The following TBL1X variants were observed in gnomAD, a reference collection of about 807,000 sequenced individuals.
The protein encoded by TBL1X is transducin beta like 1 X-linked.
A neutral mutation model predicts 50.7 loss-of-function variants in TBL1X; 10 were observed. The observed-to-expected ratio is 0.20, with a 90% CI of 0.12 to 0.33. The LOEUF is 0.33. TBL1X is among the 10% of genes least tolerant of loss of function. The pLI, the probability that TBL1X is intolerant of heterozygous loss-of-function variation, is 1.00. For synonymous variants in TBL1X, 190 were observed against 214.7 expected (o/e 0.88, Z 1.01); for missense variants, 340 against 504.4 (o/e 0.67, Z 3.12).
At chrX:9,689,885 G>A (rs5933751) in intron 7 of TBL1X, among the ~76,000 whole-genome samples, 6,070 of 112,312 alleles carry the variant, frequency 0.054, 156 homozygotes, top group Middle Eastern at 0.11. Flanking sequence ...TCCCATTGTT[G>A]TTTGAATCTT....
rs1031679488 is a variant in TBL1X, at chrX:9,694,480, A to G, written c.1053+1061A>G. Among the ~76,000 whole-genome samples the G allele has an allele frequency of 3.6e-5, 4 of 111,358 alleles. No homozygotes were observed. The Admixed American group carries it at 3.8e-4, about 11-fold the overall frequency. On this transcript the variant is annotated intron_variant, in intron 11 of 17. Coordinates refer to ENST00000645353, the MANE Select transcript of TBL1X (RefSeq NM_005647.4). ...CATGGTGTCGGGTGCCTGTAATCCC[A>G]GCTACTTAGAGACTGAGGCGCGAGA...
At chrX:9,698,963 C>T (rs995918477) in intron 12 of TBL1X, among the ~76,000 whole-genome samples, 5 of 111,377 alleles carry the variant, frequency 4.5e-5, no homozygotes, top group East Asian at 2.8e-4. Flanking sequence ...CCTGATTCTT[C>T]GTGGGTCGTT....
intron 13 of TBL1X, among the ~76,000 whole-genome samples, chrX:9,708,084 G>T (rs2083220425): frequency 1.8e-5 from 2 of 112,106 alleles, no homozygotes; most frequent in South Asian, 3.7e-4. Flanking sequence ...GACATATGGG[G>T]CCCTATAGTC....
intron 2 of TBL1X, among the ~76,000 whole-genome samples, chrX:9,628,941 G>A (rs916932768): frequency 2.7e-5 from 3 of 112,476 alleles, no homozygotes; most frequent in Non-Finnish European, 5.6e-5. Context: ...AAAGACTCCT[G>A]GTGGCAGCTG....
intron 2 of TBL1X, among the ~76,000 whole-genome samples, chrX:9,576,391 C>A (rs186500412): frequency 8.9e-6 from 1 of 112,331 alleles, no homozygotes; most frequent in African/African-American, 3.2e-5. Flanking sequence ...CCACACCCAT[C>A]GGGAGAGATT....
At chrX:9,501,536 T>C (rs73631486) in intron 1 of TBL1X, among the ~76,000 whole-genome samples, 4,589 of 110,940 alleles carry the variant, frequency 0.041, 97 homozygotes, top group South Asian at 0.11. Context: ...TCTCCACTGT[T>C]GCAGTTCAGG....
At chrX:9,586,220 ACC>A (rs1450926959) in intron 2 of TBL1X, among the ~76,000 whole-genome samples, 1 of 112,419 alleles carries the variant, frequency 8.9e-6, no homozygotes, top group Non-Finnish European at 1.9e-5. Flanking sequence ...ATTTATATTA[ACC>A]AAGAGGTGGA....
chrX:9,523,741 A>G (rs1355230188), intron 2 of TBL1X, among the ~76,000 whole-genome samples: 2 of 111,514 alleles, frequency 1.8e-5, no homozygotes, highest in African/African-American at 6.5e-5. Context: ...GCCTTACACC[A>G]GTGTTCTTAA....
At chrX:9,662,977 T>C (rs934522348) in intron 5 of TBL1X, among the ~76,000 whole-genome samples, 2 of 111,294 alleles carry the variant, frequency 1.8e-5, no homozygotes, top group Admixed American at 9.6e-5. Context: ...TTTTTAAAAA[T>C]GGTTAGCATG....
At chrX:9,482,819 A>G (rs1478765082) in intron 1 of TBL1X, among the ~76,000 whole-genome samples, 1 of 111,177 alleles carries the variant, frequency 9.0e-6, no homozygotes, top group Non-Finnish European at 1.9e-5. Flanking sequence ...AGTGAAAGAG[A>G]TCTGAGCTAA....
chrX:9,479,089 T>G (rs893483418), intron 1 of TBL1X, among the ~76,000 whole-genome samples: 6 of 113,292 alleles, frequency 5.3e-5, no homozygotes, highest in Non-Finnish European at 1.1e-4. Context: ...GTCAATGGAC[T>G]TCTGTCTTGA....
chrX:9,504,773 A>G (rs2082018081), intron 2 of TBL1X, among the ~76,000 whole-genome samples: 1 of 112,053 alleles, frequency 8.9e-6, no homozygotes, highest in African/African-American at 3.2e-5. Context: ...GAATAGAGAA[A>G]AAAGAATGAA....
intron 2 of TBL1X, among the ~76,000 whole-genome samples, chrX:9,572,035 A>T (rs184174362): frequency 8.9e-6 from 1 of 112,155 alleles, no homozygotes; most frequent in African/African-American, 3.2e-5. Context: ...AGCCGAATCC[A>T]GGGTGGCTGG....
chrX:9,625,447 C>T (rs1405378296), intron 2 of TBL1X, among the ~76,000 whole-genome samples: 2 of 111,922 alleles, frequency 1.8e-5, no homozygotes, highest in Non-Finnish European at 3.8e-5. Flanking sequence ...GCCCTCAGCA[C>T]GAAATTCTGG....
chrX:9,577,918 A>G (rs1040793146), intron 2 of TBL1X, among the ~76,000 whole-genome samples: 3 of 112,613 alleles, frequency 2.7e-5, no homozygotes, highest in Middle Eastern at 4.2e-3. Context: ...CAAGACGGTG[A>G]CACAGAAGCA....
intron 2 of TBL1X, among the ~76,000 whole-genome samples, chrX:9,520,490 TC>T (rs2082101814): frequency 9.1e-6 from 1 of 110,107 alleles, no homozygotes; most frequent in Admixed American, 9.7e-5. Context: ...CCCTAAGAGA[TC>T]CTGAAGAGTG....
At chrX:9,615,030 T>C (rs575979489) in intron 2 of TBL1X, among the ~76,000 whole-genome samples, 2 of 111,858 alleles carry the variant, frequency 1.8e-5, no homozygotes, top group African/African-American at 6.5e-5. Context: ...TTCGCAGCTA[T>C]AATGGTGATC....
At chrX:9,537,880 TG>T (rs1308724949) in intron 2 of TBL1X, among the ~76,000 whole-genome samples, 3 of 112,276 alleles carry the variant, frequency 2.7e-5, no homozygotes, top group Middle Eastern at 9.2e-3. Context: ...GGACCTAGTT[TG>T]GGTGGGAAGA....
intron 5 of TBL1X, 88 bp downstream of exon 5, chrX:9,654,410 T>TAGAAGAAGTAGA: frequency 1.2e-6 from 1 of 825,094 alleles, no homozygotes; most frequent in Non-Finnish European, 1.7e-6. Context: ...AACCAGGCTG[T>TAGAAGAAGTAGA]AGAAGAAGAA....
Sources: allele counts gnomAD v4.1 joint callset (sites outside exome capture counted in the v4.1 genomes callset), GRCh38; gene constraint gnomAD v4.1.1; transcripts MANE v1.5; gene names NCBI Gene and HGNC (gene_info 2026-07-23, HGNC 2026-07-21).